PLGRKT: variants seen among roughly 807,000 people sequenced by gnomAD.
PLGRKT encodes plasminogen receptor with a C-terminal lysine.
In PLGRKT, 22 loss-of-function variants were observed where a neutral mutation model predicts 18.5. The observed-to-expected ratio is 1.19, with a 90% CI of 0.85 to 1.70. The LOEUF is 1.70. Among genes scored for constraint, PLGRKT ranks in the 40% most tolerant of loss-of-function variants. The pLI is 0.00. For synonymous variants in PLGRKT, 72 were observed against 52.8 expected (o/e 1.36, Z -1.58); for missense variants, 235 against 174.4 (o/e 1.35, Z -1.96).
intron 3 of PLGRKT, among the ~76,000 whole-genome samples, chr9:5,412,191 T>C (rs1233946325): frequency 6.6e-6 from 1 of 152,164 alleles, no homozygotes; most frequent in African/African-American, 2.4e-5. Context: ...GTATCTCAAC[T>C]CACTGGGGGT....
Position 5,411,399 on chromosome 9 carries a change from AG to A in PLGRKT, c.81+20497del, listed in dbSNP as rs761850322. 1.2e-3 allele frequency among the ~76,000 whole-genome samples: 181 copies of A among 146,374 alleles called. 1 individual carries two copies. The highest frequency in any genetic ancestry group is 2.1e-3 in the South Asian group (10 of 4,704). ...GACCCTGTTTCAAAAAAAAAAAAAA[AG>A]AAAAGAAAAGAAAAGAGGGAAACAC... On this transcript the variant is annotated intron_variant, in intron 3 of 5. Coordinates refer to ENST00000223864, the MANE Select transcript of PLGRKT (RefSeq NM_018465.4).
intron 3 of PLGRKT, among the ~76,000 whole-genome samples, chr9:5,427,764 T>A (rs889077515): frequency 1.3e-5 from 2 of 152,154 alleles, no homozygotes; most frequent in African/African-American, 4.8e-5. Flanking sequence ...GTGGCAAATG[T>A]GAGATGCTCA....
At chr9:5,377,066 T>C (rs1220086535) in intron 3 of PLGRKT, among the ~76,000 whole-genome samples, 1 of 152,180 alleles carries the variant, frequency 6.6e-6, no homozygotes, top group East Asian at 1.9e-4. Flanking sequence ...TAGAGATCTG[T>C]TTCCCTGTCC....
At chr9:5,395,745 A>C (rs1369709586) in intron 3 of PLGRKT, among the ~76,000 whole-genome samples, 1 of 151,788 alleles carries the variant, frequency 6.6e-6, no homozygotes, top group East Asian at 1.9e-4. Flanking sequence ...CCAAACCAAG[A>C]TGTAGTTTCT....
intron 3 of PLGRKT, among the ~76,000 whole-genome samples, chr9:5,421,868 T>C (rs1043588431): frequency 4.6e-5 from 7 of 152,156 alleles, no homozygotes; most frequent in East Asian, 1.9e-4. Flanking sequence ...TAGCCAAAGA[T>C]GGGATAACTT....
intron 3 of PLGRKT, among the ~76,000 whole-genome samples, chr9:5,416,548 A>C (rs1298240053): frequency 6.6e-6 from 1 of 152,236 alleles, no homozygotes; most frequent in African/African-American, 2.4e-5. Context: ...ATAAATAATA[A>C]AGCAATCCAC....
intron 3 of PLGRKT, among the ~76,000 whole-genome samples, chr9:5,424,593 C>G (rs913320321): frequency 8.1e-6 from 1 of 123,000 alleles, no homozygotes; most frequent in Admixed American, 9.2e-5. Context: ...TTATATTATA[C>G]AGTAATATAA....
chr9:5,370,859 G>T lies in PLGRKT; in HGVS notation c.82-8971C>A, dbSNP rs73639295. 5.9e-5 allele frequency among the ~76,000 whole-genome samples: 9 copies of T among 152,178 alleles called. No individual in the cohort carries two copies. The South Asian group carries it at 1.9e-3, about 32-fold the overall frequency. On this transcript the variant is annotated intron_variant, in intron 3 of 5. Transcript: ENST00000223864. ...GGCATTTAACCTTAACTTGCTTGAC[G>T]GATATGTTAAATGTTCAATGTCCAG...
At chr9:5,404,360 C>T (rs548949711) in intron 3 of PLGRKT, among the ~76,000 whole-genome samples, 14 of 152,080 alleles carry the variant, frequency 9.2e-5, no homozygotes, top group South Asian at 2.1e-4. Flanking sequence ...TGATGAACAT[C>T]GATACAAAAA....
chr9:5,362,401 C>T (rs144221630), intron 3 of PLGRKT, among the ~76,000 whole-genome samples: 2 of 152,250 alleles, frequency 1.3e-5, no homozygotes, highest in East Asian at 1.9e-4. Flanking sequence ...ACATTTTTCT[C>T]GCCTCAAGTT....
chr9:5,360,455 A>G (rs190118850), intron 5 of PLGRKT, among the ~76,000 whole-genome samples: 4 of 152,338 alleles, frequency 2.6e-5, no homozygotes, highest in Non-Finnish European at 5.9e-5. Context: ...ATGTGTCCCA[A>G]TAAAACTTTA....
At chr9:5,406,249 C>T (rs1217088767) in intron 3 of PLGRKT, among the ~76,000 whole-genome samples, 2 of 152,116 alleles carry the variant, frequency 1.3e-5, no homozygotes, top group Non-Finnish European at 2.9e-5. Flanking sequence ...CCCAGCAATC[C>T]CATTACTGGG....
intron 3 of PLGRKT, among the ~76,000 whole-genome samples, chr9:5,374,656 G>C (rs1277047658): frequency 6.6e-6 from 1 of 152,166 alleles, no homozygotes; most frequent in Non-Finnish European, 1.5e-5. Context: ...AGGACTCATG[G>C]TGCAGGTTAT....
At chr9:5,411,241 G>A (rs561985249) in intron 3 of PLGRKT, among the ~76,000 whole-genome samples, 11 of 151,812 alleles carry the variant, frequency 7.2e-5, no homozygotes, top group African/African-American at 1.7e-4. Flanking sequence ...AAAATTAGCC[G>A]GGCCACAGTG....
chr9:5,363,671 C>T (rs1301373968), intron 3 of PLGRKT, among the ~76,000 whole-genome samples: 1 of 152,170 alleles, frequency 6.6e-6, no homozygotes, highest in South Asian at 2.1e-4. Context: ...TCCCCAGATG[C>T]ATCTGGCTAG....
At chr9:5,382,113 T>G (rs1321436691) in intron 3 of PLGRKT, 18 of 658,948 alleles carry the variant, frequency 2.7e-5, no homozygotes, top group Non-Finnish European at 3.4e-5. Flanking sequence ...AATAAATCGT[T>G]GGAAAATAAA....
At chr9:5,432,478 GA>G (rs1818846786) in intron 2 of PLGRKT, among the ~76,000 whole-genome samples, 1 of 152,110 alleles carries the variant, frequency 6.6e-6, no homozygotes, top group East Asian at 1.9e-4. Context: ...GTTTTAAGAA[GA>G]TTGAGCTCTC....
intron 3 of PLGRKT, among the ~76,000 whole-genome samples, chr9:5,374,777 T>C (rs1353072918): frequency 6.6e-6 from 1 of 152,228 alleles, no homozygotes; most frequent in East Asian, 1.9e-4. Flanking sequence ...TTTTTAGTTA[T>C]CCATTTCTGG....
chr9:5,424,383 CATA>C (rs1818638737), intron 3 of PLGRKT, among the ~76,000 whole-genome samples: 1 of 126,268 alleles, frequency 7.9e-6, no homozygotes, highest in Non-Finnish European at 1.6e-5. Flanking sequence ...TAATATATAA[CATA>C]TTATAAAACA....
Sources: gnomAD v4.1 joint callset for allele counts (sites outside exome capture counted in the v4.1 genomes callset) on GRCh38, gnomAD v4.1.1 for gene constraint, MANE v1.5 for transcripts, NCBI Gene and HGNC (gene_info 2026-07-23, HGNC 2026-07-21) for gene names.